The following LBP variants were observed in gnomAD, a reference collection of about 807,000 sequenced individuals.
The protein encoded by LBP is lipopolysaccharide-binding protein.
Under a neutral mutation model 56.6 loss-of-function variants are expected in LBP, and 53 were observed. The ratio of observed to expected loss-of-function variants is 0.94; its 90% confidence interval spans 0.75 to 1.18. The LOEUF is 1.18. LBP is among the 50% of genes most tolerant of loss of function. LBP has a pLI of 0.00. For missense variants in LBP, 601 were observed against 598.3 expected, an observed-to-expected ratio of 1.00 and a Z score of -0.05; for synonymous variants, 227 against 247.5, an observed-to-expected ratio of 0.92 and a Z score of 0.78.
At chr20:38,351,028 G>A (rs2076818823) in intron 3 of LBP, 89 bp downstream of exon 3, 1 of 1,520,550 alleles carries the variant, frequency 6.6e-7, no homozygotes, top group Admixed American at 1.8e-5. Flanking sequence ...TAGCTTATCA[G>A]AAAGGCCACG....
intron 6 of LBP, 139 bp downstream of exon 6, chr20:38,360,906 T>A: frequency 1.7e-6 from 1 of 574,650 alleles, no homozygotes; most frequent in Non-Finnish European, 2.9e-6. Flanking sequence ...CTCACACCTG[T>A]AATCTCAGCA....
chr20:38,355,223 G>C, intron 4 of LBP, 123 bp from the exon 5 acceptor site: 1 of 816,818 alleles, frequency 1.2e-6, no homozygotes. Flanking sequence ...GGACACAGCA[G>C]GGCGCCGGGA....
chr20:38,355,797 G>A (rs1003053317), intron 5 of LBP, among the ~76,000 whole-genome samples: 4 of 152,102 alleles, frequency 2.6e-5, no homozygotes, highest in African/African-American at 7.2e-5. Context: ...GAGGGCGTGG[G>A]CCAGGTGGGA....
Position 38,346,684 on chromosome 20 carries a change from C to T in LBP, c.124+44C>T, listed in dbSNP as rs2076802526. ...TGGCTGGACTTGGCAAACCCACGCT[C>T]CAGGCTGCTCTGGGTACAGTGGGGA... On this transcript the variant is annotated intron_variant, in intron 1 of 14. Transcript: ENST00000217407. The T allele has an allele frequency of 2.5e-6, 4 of 1,609,728 alleles. No individual in the cohort carries two copies. In the South Asian group the frequency reaches 4.4e-5, roughly 18 times the overall value.
chr20:38,356,367 C>A (rs2076839946), intron 5 of LBP, among the ~76,000 whole-genome samples: 1 of 144,196 alleles, frequency 6.9e-6, no homozygotes, highest in Non-Finnish European at 1.5e-5. Flanking sequence ...CACACACCCT[C>A]CACACACACA....
chr20:38,354,887 GC>G (rs2076833206), intron 4 of LBP, among the ~76,000 whole-genome samples: 2 of 152,276 alleles, frequency 1.3e-5, no homozygotes, highest in South Asian at 4.1e-4. Context: ...TTCAAGACCA[GC>G]CTGGGCAACG....
intron 6 of LBP, among the ~76,000 whole-genome samples, chr20:38,363,698 C>T (rs2076869913): frequency 6.6e-6 from 1 of 152,014 alleles, no homozygotes; most frequent in African/African-American, 2.4e-5. Context: ...AGAGGTGAAG[C>T]CTGGACTCAT....
intron 3 of LBP, among the ~76,000 whole-genome samples, chr20:38,351,749 G>A (rs922818717): frequency 2.0e-5 from 3 of 152,124 alleles, no homozygotes; most frequent in Non-Finnish European, 4.4e-5. Flanking sequence ...GGCCATGCAC[G>A]TTGGCTCACC....
At chr20:38,365,709 AAAAAAAAAAT>A (rs1228438975) in intron 8 of LBP, among the ~76,000 whole-genome samples, 2,302 of 63,592 alleles carry the variant, frequency 0.036, 20 homozygotes, top group African/African-American at 0.055. Context: ...AAAAAAAAAA[AAAAAAAAAAT>A]ATATATATAT....
intron 5 of LBP, among the ~76,000 whole-genome samples, chr20:38,355,899 G>T (rs2076837259): frequency 6.6e-6 from 1 of 151,932 alleles, no homozygotes; most frequent in South Asian, 2.1e-4. Flanking sequence ...AATCTTCAGA[G>T]TGTATCATCT....
chr20:38,372,038 G>A (rs1416604224), intron 12 of LBP, among the ~76,000 whole-genome samples: 3 of 152,226 alleles, frequency 2.0e-5, no homozygotes, highest in Non-Finnish European at 4.4e-5. Context: ...AAACAAGAGG[G>A]ATTGAGTGCT....
In LBP at chr20:38,370,804, A is replaced by C. The variant is rs774060655; in HGVS notation, c.1216A>C (p.Lys406Gln). ...GATCACTGGGTTCCTGAAGCCAGGA[A>C]AGTAAGTTGGCCTCCTACCTACATG... is the stretch of plus-strand genomic sequence containing the variant. Reference protein sequence around the residue: ...SKITGFLKPGKVKVELKESKV... With the variant: ...SKITGFLKPGQVKVELKESKV... Residue 406 changes from lysine to glutamine, a missense_variant and splice_region_variant, in exon 11 of 15, where the codon AAG becomes CAG. Coordinates refer to ENST00000217407, the MANE Select transcript of LBP (RefSeq NM_004139.5). The C allele has an allele frequency of 3.7e-6, 6 of 1,613,928 alleles. No homozygotes were observed. Among genetic ancestry groups the C allele is most frequent in the Non-Finnish European group, 5.1e-6 (6 of 1,179,836 alleles).
Position 38,376,659 on chromosome 20 carries a change from T to C in LBP, c.1436T>C (p.Met479Thr), listed in dbSNP as rs771558622. 2.5e-6 allele frequency: 4 copies of C among 1,613,360 alleles called. No individual in the cohort carries two copies. The highest frequency in any genetic ancestry group is 3.4e-6 in the Non-Finnish European group (4 of 1,179,396). The change falls in exon 15 of 15, where the codon ATG (methionine) becomes ACG (threonine). Residue 479 changes from methionine (M) to threonine (T), a missense_variant. Physicochemically the swap from Met to Thr is moderately conservative, Grantham distance 81. Coordinates refer to ENST00000217407, the MANE Select transcript of LBP (RefSeq NM_004139.5). ...TTCTTGGGTGCCAATGTCCAATACATGAGAGTTTGAGGACAAGAAAGATGA... is the reference window on the plus strand; with the variant it reads ...TTCTTGGGTGCCAATGTCCAATACACGAGAGTTTGAGGACAAGAAAGATGA... ...FLFLGANVQYMRV is the reference protein window; with the variant it reads ...FLFLGANVQYTRV
chr20:38,355,848 A>T (rs2076837098), intron 5 of LBP, among the ~76,000 whole-genome samples: 1 of 152,070 alleles, frequency 6.6e-6, no homozygotes, highest in African/African-American at 2.4e-5. Context: ...ATGGGGAGGC[A>T]GCAACACTGT....
chr20:38,352,943 T>C (rs1331218296), intron 3 of LBP, among the ~76,000 whole-genome samples: 2 of 152,158 alleles, frequency 1.3e-5, no homozygotes, highest in African/African-American at 4.8e-5. Context: ...ATGTATCTTC[T>C]GGAAAATTTA....
intron 4 of LBP, 42 bp from the exon 5 acceptor site, chr20:38,355,304 G>A (rs372201278): frequency 9.4e-6 from 15 of 1,597,360 alleles, no homozygotes; most frequent in Admixed American, 1.7e-5. Flanking sequence ...CAGGCACCCG[G>A]CCATCCCCAA....
chr20:38,348,536 G>T (rs2076808791), intron 1 of LBP, among the ~76,000 whole-genome samples: 1 of 151,894 alleles, frequency 6.6e-6, no homozygotes, highest in Non-Finnish European at 1.5e-5. Flanking sequence ...TGGTCTCGAT[G>T]ATCCACCCGC....
chr20:38,346,555 G>A lies in LBP; in HGVS notation c.39G>A (p.Leu13=). The A allele has an allele frequency of 6.2e-7, 1 of 1,613,818 alleles. No homozygotes were observed. Among genetic ancestry groups the A allele is most frequent in the Non-Finnish European group, 8.5e-7 (1 of 1,180,004 alleles). ...CCAGAGCCCTGCCGTCCATACTGCT[G>A]GCATTGCTGCTTACGTCCACCCCAG... The part of the protein sequence containing the change: ...ALARALPSIL[L]ALLLTSTPEA... Residue 13 remains leucine (L), a synonymous_variant, in exon 1 of 15, where the codon CTG becomes CTA. Coordinates refer to ENST00000217407, the MANE Select transcript of LBP (RefSeq NM_004139.5).
At chr20:38,354,805 G>A (rs752891260) in intron 4 of LBP, among the ~76,000 whole-genome samples, 2 of 152,188 alleles carry the variant, frequency 1.3e-5, no homozygotes, top group African/African-American at 2.4e-5. Context: ...AAGTGTGACC[G>A]GGTGTGGTGG....
Sources: gnomAD v4.1 joint callset for allele counts (sites outside exome capture counted in the v4.1 genomes callset) on GRCh38, gnomAD v4.1.1 for gene constraint, MANE v1.5 for transcripts, NCBI Gene and HGNC (gene_info 2026-07-23, HGNC 2026-07-21) for gene names.